SYTL5: variants seen among roughly 807,000 people sequenced by gnomAD.
The protein encoded by SYTL5 is synaptotagmin like 5, also known as synaptotagmin-like protein 5.
Under a neutral mutation model 55.9 loss-of-function variants are expected in SYTL5, and 34 were observed. The ratio of observed to expected loss-of-function variants is 0.61; its 90% CI spans 0.46 to 0.81. SYTL5 has a LOEUF of 0.81. Ranked by LOEUF, SYTL5 falls within the 30% of genes least tolerant of loss-of-function variation. The pLI is 0.00. For synonymous variants in SYTL5, 221 were observed against 188.7 expected, an observed-to-expected ratio of 1.17 and a Z score of -1.40; for missense variants, 637 against 546.7, an observed-to-expected ratio of 1.17 and a Z score of -1.65.
At chrX:38,038,747 CA>C (rs1935193201) in intron 2 of SYTL5, among the ~76,000 whole-genome samples, 1 of 111,781 alleles carries the variant, frequency 8.9e-6, no homozygotes, top group African/African-American at 3.2e-5. Context: ...TAATCAGTTT[CA>C]GAAGGAAATG....
At chrX:38,057,541 A>G (rs1935826333) in intron 3 of SYTL5, among the ~76,000 whole-genome samples, 1 of 111,756 alleles carries the variant, frequency 8.9e-6, no homozygotes, top group Admixed American at 9.5e-5. Context: ...AGTTCTGTGA[A>G]AAATGTAATT....
At chrX:38,046,537 C>T (rs1935466630) in intron 2 of SYTL5, among the ~76,000 whole-genome samples, 1 of 111,808 alleles carries the variant, frequency 8.9e-6, no homozygotes, top group African/African-American at 3.3e-5. Flanking sequence ...CACCAGGTCC[C>T]TCCCACAACA....
the SYTL5 span, among the ~76,000 whole-genome samples, chrX:37,973,882 A>T: frequency 9.0e-6 from 1 of 111,175 alleles, no homozygotes; most frequent in Non-Finnish European, 1.9e-5. Flanking sequence ...AACTCAGGTG[A>T]TCCACCCAAT....
Position 38,102,396 on chromosome X carries a change from T to C in SYTL5, c.1117T>C (p.Ser373Pro). 8.3e-7 allele frequency: 1 copy of C among 1,209,024 alleles called. No individual in the cohort carries two copies. Among genetic ancestry groups the C allele is most frequent in the South Asian group, 1.8e-5 (1 of 56,867 alleles). Residue 373 changes from serine (S) to proline (P), a missense_variant, in exon 10 of 17, where the codon TCT becomes CCT. Coordinates refer to ENST00000297875, the MANE Select transcript of SYTL5 (RefSeq NM_138780.3). ...SIDALVSSQLSTNTHRLASGL... is the reference protein window; with the variant it reads ...SIDALVSSQLPTNTHRLASGL... ...TGATGCCTTAGTGTCCTCGCAGTTA[T>C]CTACAAACACTCACCGTCTGGCAAG...
chrX:38,089,327 C>T (rs1438229248), intron 6 of SYTL5, 119 bp from the exon 7 acceptor site: 7 of 821,794 alleles, frequency 8.5e-6, no homozygotes, highest in Non-Finnish European at 1.7e-6. Flanking sequence ...CAGTGTGACT[C>T]TTGTGAACTC....
At chrX:37,998,465 C>T in the SYTL5 span, among the ~76,000 whole-genome samples, 3 of 112,016 alleles carry the variant, frequency 2.7e-5, no homozygotes, top group Non-Finnish European at 5.6e-5. Flanking sequence ...GCTTGTCGTG[C>T]GCCTGGTCCA....
At chrX:37,902,779 G>A in the SYTL5 span, among the ~76,000 whole-genome samples, 2 of 111,808 alleles carry the variant, frequency 1.8e-5, no homozygotes, top group African/African-American at 6.5e-5. Flanking sequence ...TTTCAGGGAT[G>A]GACACATGAT....
chrX:37,979,230 C>A, the SYTL5 span, among the ~76,000 whole-genome samples: 1 of 109,257 alleles, frequency 9.2e-6, no homozygotes, highest in African/African-American at 3.3e-5. Flanking sequence ...GAAAAGTGGG[C>A]GGGAGGGGAA....
intron 13 of SYTL5, among the ~76,000 whole-genome samples, chrX:38,114,678 G>T (rs1218873795): frequency 9.0e-6 from 1 of 110,728 alleles, no homozygotes; most frequent in Non-Finnish European, 1.9e-5. Context: ...ACTTTTTTGT[G>T]GTCAGAACAC....
chrX:38,125,734 A>C (rs1937630421), intron 16 of SYTL5, among the ~76,000 whole-genome samples: 1 of 112,431 alleles, frequency 8.9e-6, no homozygotes, highest in African/African-American at 3.2e-5. Flanking sequence ...TATCATATTT[A>C]TATTCAATCC....
intron 3 of SYTL5, among the ~76,000 whole-genome samples, chrX:38,065,874 C>A (rs1057406354): frequency 1.8e-5 from 2 of 111,303 alleles, no homozygotes; most frequent in Admixed American, 1.9e-4. Flanking sequence ...CAGAGGTGGG[C>A]GGATCACTTG....
chrX:37,919,191 T>C, the SYTL5 span, among the ~76,000 whole-genome samples: 13 of 111,468 alleles, frequency 1.2e-4, no homozygotes, highest in African/African-American at 2.9e-4. Context: ...TACACAGAAC[T>C]TGACATGGCA....
At chrX:38,042,729 C>T (rs760272417) in intron 2 of SYTL5, among the ~76,000 whole-genome samples, 2 of 111,732 alleles carry the variant, frequency 1.8e-5, no homozygotes, top group South Asian at 7.5e-4. Flanking sequence ...TAATCCAGAA[C>T]CTGGCTGAAT....
At chrX:38,006,730 G>T (rs1270505626) in intron 1 of SYTL5, 62 bp downstream of exon 1, 1 of 111,298 alleles carries the variant, frequency 9.0e-6, no homozygotes, top group African/African-American at 3.3e-5. Context: ...TCTGTATTTT[G>T]TGTGTGGTAG....
chrX:38,001,419 T>G, the SYTL5 span, among the ~76,000 whole-genome samples: 1 of 111,673 alleles, frequency 9.0e-6, no homozygotes, highest in Non-Finnish European at 1.9e-5. Context: ...TTTGCACCCA[T>G]TAACCCTCCC....
At chrX:37,953,004 G>A in the SYTL5 span, among the ~76,000 whole-genome samples, 2 of 111,026 alleles carry the variant, frequency 1.8e-5, no homozygotes, top group Non-Finnish European at 3.8e-5. Context: ...TAATAATTAC[G>A]CCAGAACCAC....
chrX:38,039,299 G>A (rs938333844), intron 2 of SYTL5, among the ~76,000 whole-genome samples: 2 of 112,168 alleles, frequency 1.8e-5, no homozygotes, highest in African/African-American at 6.5e-5. Flanking sequence ...ATTTATTGAC[G>A]GCTTTACTGC....
intron 14 of SYTL5, 28 bp downstream of exon 14, chrX:38,120,494 A>G (rs978027048): frequency 1.1e-5 from 12 of 1,080,138 alleles, no homozygotes; most frequent in Non-Finnish European, 1.5e-5. Flanking sequence ...GACTTTGATC[A>G]ATGACATTCT....
At chrX:38,085,929 C>A (rs1936651836) in intron 6 of SYTL5, among the ~76,000 whole-genome samples, 1 of 111,101 alleles carries the variant, frequency 9.0e-6, no homozygotes, top group Admixed American at 9.6e-5. Flanking sequence ...TGTGCTGAAC[C>A]CCTATTAACC....
Sources: gnomAD v4.1 joint callset for allele counts (sites outside exome capture counted in the v4.1 genomes callset) on GRCh38, gnomAD v4.1.1 for gene constraint, MANE v1.5 for transcripts, NCBI Gene and HGNC (gene_info 2026-07-23, HGNC 2026-07-21) for gene names.